Variants in LIPA observed in about 807,000 individuals in gnomAD.
LIPA encodes the protein lipase A, lysosomal acid type, also known as lysosomal acid lipase/cholesteryl ester hydrolase.
A neutral mutation model predicts 40.6 loss-of-function variants in LIPA; 26 were observed. The ratio of observed to expected loss-of-function variants is 0.64; its 90% CI spans 0.47 to 0.89. The LOEUF is 0.89. Ranked by LOEUF, LIPA falls within the 40% of genes least tolerant of loss-of-function variation. The pLI, the probability that LIPA is intolerant of heterozygous loss-of-function variation, is 0.00. For synonymous variants in LIPA, 188 were observed against 168.4 expected (o/e 1.12, Z -0.90); for missense variants, 455 against 479.6 (o/e 0.95, Z 0.48).
intron 1 of LIPA, chr10:89,338,875 T>C (rs1843793899): frequency 1.9e-6 from 3 of 1,614,168 alleles, no homozygotes; most frequent in South Asian, 2.2e-5. Context: ...CCTGGAATGC[T>C]TACGGCAAGC....
At chr10:89,379,800 C>T (rs1051051082) in intron 2 of LIPA, among the ~76,000 whole-genome samples, 9 of 151,986 alleles carry the variant, frequency 5.9e-5, no homozygotes, top group African/African-American at 1.9e-4. Flanking sequence ...TTTGGGAGGC[C>T]GAGATGGGCA....
At chr10:89,348,242 C>A (rs905385807) in intron 2 of LIPA, among the ~76,000 whole-genome samples, 1 of 152,176 alleles carries the variant, frequency 6.6e-6, no homozygotes, top group African/African-American at 2.4e-5. Flanking sequence ...AGGAACAGTT[C>A]TGAAAAACAA....
chr10:89,247,379 C>CAAAAAAAAAA (rs71022556), intron 2 of LIPA, among the ~76,000 whole-genome samples, 159 bp downstream of exon 2: 2 of 75,450 alleles, frequency 2.7e-5, no homozygotes, highest in Non-Finnish European at 4.8e-5. Flanking sequence ...GACTCTGCCT[C>CAAAAAAAAAA]AAAAAAAAAA....
At chr10:89,321,333 A>G (rs1441804007) in intron 1 of LIPA, among the ~76,000 whole-genome samples, 2 of 152,236 alleles carry the variant, frequency 1.3e-5, no homozygotes, top group Non-Finnish European at 2.9e-5. Flanking sequence ...ACAAAGGACT[A>G]ATATCCAGAA....
intron 3 of LIPA, among the ~76,000 whole-genome samples, chr10:89,241,737 T>G (rs1041024854): frequency 2.0e-5 from 3 of 152,060 alleles, no homozygotes; most frequent in African/African-American, 7.2e-5. Context: ...CAGTCTAGAG[T>G]GCCACTTCAC....
At chr10:89,324,863 T>A (rs972060818) in intron 1 of LIPA, among the ~76,000 whole-genome samples, 1 of 152,252 alleles carries the variant, frequency 6.6e-6, no homozygotes, top group Non-Finnish European at 1.5e-5. Flanking sequence ...CAACTCATCC[T>A]TTTTTATGGA....
intron 1 of LIPA, among the ~76,000 whole-genome samples, chr10:89,287,984 C>T (rs1843350752): frequency 6.6e-6 from 1 of 152,156 alleles, no homozygotes; most frequent in South Asian, 2.1e-4. Context: ...TTCCTTTGCA[C>T]CCTTCATCCC....
chr10:89,375,696 T>TTTCC (rs1315906131), intron 2 of LIPA, among the ~76,000 whole-genome samples: 26 of 152,188 alleles, frequency 1.7e-4, no homozygotes, highest in African/African-American at 6.0e-4. Context: ...GTGGGCCTAG[T>TTTCC]TTCCTTTCCC....
At chr10:89,404,026 A>G in intron 2 of LIPA, 1 of 205,392 alleles carries the variant, frequency 4.9e-6, no homozygotes, top group South Asian at 1.4e-4. Context: ...ATAAAAATAA[A>G]ATCCTTAGCT....
chr10:89,380,893 G>A (rs1474959656), intron 2 of LIPA, among the ~76,000 whole-genome samples: 1 of 152,196 alleles, frequency 6.6e-6, no homozygotes, highest in Non-Finnish European at 1.5e-5. Context: ...AAGTCAAGAA[G>A]ATACATGTTG....
chr10:89,317,655 G>T (rs1223733337), intron 1 of LIPA, among the ~76,000 whole-genome samples: 4 of 152,200 alleles, frequency 2.6e-5, no homozygotes, highest in Non-Finnish European at 4.4e-5. Context: ...AGGATATTAT[G>T]CAGGAGAACT....
chr10:89,280,998 T>C (rs1843311550), intron 1 of LIPA, among the ~76,000 whole-genome samples: 1 of 152,264 alleles, frequency 6.6e-6, no homozygotes, highest in Non-Finnish European at 1.5e-5. Context: ...CGTTAATATA[T>C]TTCCAACTAT....
chr10:89,411,853 A>G (rs983281551), intron 2 of LIPA, among the ~76,000 whole-genome samples: 4 of 152,048 alleles, frequency 2.6e-5, no homozygotes, highest in Non-Finnish European at 5.9e-5. Flanking sequence ...TCTTATACCA[A>G]CCTCTGGAGT....
chr10:89,249,815 CTGA>C (rs1056846715), intron 1 of LIPA, among the ~76,000 whole-genome samples: 5 of 152,150 alleles, frequency 3.3e-5, no homozygotes, highest in Non-Finnish European at 7.4e-5. Flanking sequence ...ATTGAATGTA[CTGA>C]TGGTTTCACA....
chr10:89,403,217 C>A, intron 2 of LIPA: 1 of 1,614,072 alleles, frequency 6.2e-7, no homozygotes, highest in African/African-American at 1.3e-5. Flanking sequence ...GAGGGCAGAA[C>A]AGAGAAAAGC....
chr10:89,302,250 T>A, intron 1 of LIPA: 1 of 988,930 alleles, frequency 1.0e-6, no homozygotes, highest in Admixed American at 1.8e-5. Context: ...AGCCTTACTA[T>A]GCCTCTACCT....
intron 1 of LIPA, among the ~76,000 whole-genome samples, chr10:89,259,128 C>T (rs1843194829): frequency 6.6e-6 from 1 of 152,178 alleles, no homozygotes; most frequent in Non-Finnish European, 1.5e-5. Context: ...TTGCACAGCT[C>T]TGCAAATATA....
intron 1 of LIPA, among the ~76,000 whole-genome samples, chr10:89,313,318 C>T (rs747083273): frequency 8.5e-5 from 13 of 152,148 alleles, no homozygotes; most frequent in Non-Finnish European, 1.2e-4. Context: ...TTCAGTTTAT[C>T]CTTTAGTCAG....
At chr10:89,343,830 T>A (rs1490834843), upstream of LIPA, among the ~76,000 whole-genome samples, 1 of 152,180 alleles carries the variant, frequency 6.6e-6, no homozygotes, top group African/African-American at 2.4e-5. Context: ...AGCTTCCTGA[T>A]CTCAATTTTT....
Sources: allele counts gnomAD v4.1 joint callset (sites outside exome capture counted in the v4.1 genomes callset), GRCh38; gene constraint gnomAD v4.1.1; transcripts MANE v1.5; gene names NCBI Gene and HGNC (gene_info 2026-07-23, HGNC 2026-07-21).